PRDM7: variants seen among roughly 807,000 people sequenced by gnomAD.
The protein encoded by PRDM7 is histone-lysine N-methyltransferase PRDM7.
A neutral mutation model predicts 64.3 loss-of-function variants in PRDM7; 52 were observed. The ratio of observed to expected loss-of-function variants is 0.81; its 90% CI spans 0.65 to 1.02. The LOEUF (loss-of-function observed/expected upper bound fraction) is 1.02, where lower values mean the gene tolerates loss of function less well. Ranked by LOEUF, PRDM7 falls within the 50% of genes least tolerant of loss-of-function variation. The probability of loss-of-function intolerance (pLI) is 0.00; values close to 1 mark genes in which losing one functional copy is unlikely to be tolerated. For missense variants in PRDM7, 574 were observed against 597.1 expected (o/e 0.96, Z 0.40); for synonymous variants, 192 against 210.1 (o/e 0.91, Z 0.74).
intron 4 of PRDM7, among the ~76,000 whole-genome samples, chr16:90,071,243 T>A (rs2037951376): frequency 6.6e-6 from 1 of 152,168 alleles, no homozygotes; most frequent in Non-Finnish European, 1.5e-5. Context: ...GTGATTCTTC[T>A]ACCTCAACCT....
Position 90,061,920 on chromosome 16 carries a change from C to A in PRDM7, c.882+1G>T. Reference sequence around the variant, plus strand: ...CAGGGGAAACAGCAGGCTCTTCTTACTAGCCAGGAATATCCACTGTTGGCT... The same window carrying A: ...CAGGGGAAACAGCAGGCTCTTCTTAATAGCCAGGAATATCCACTGTTGGCT... On this transcript the variant is annotated splice_donor_variant, in intron 8 of 10. Transcript: ENST00000449207. LOFTEE classifies it high-confidence loss of function. 1 of 1,614,252 alleles carries A rather than the reference C, an allele frequency of 6.2e-7. No individual in the cohort carries two copies. Among genetic ancestry groups the A allele is most frequent in the East Asian group, 2.2e-5 (1 of 44,888 alleles).
At chr16:90,061,355 G>A in intron 9 of PRDM7, 97 bp downstream of exon 9, 1 of 1,269,500 alleles carries the variant, frequency 7.9e-7, no homozygotes, top group Non-Finnish European at 1.1e-6. Flanking sequence ...AATAGGGGAT[G>A]TGAAAATCAT....
chr16:90,073,554 C>G (rs566587594), intron 4 of PRDM7, among the ~76,000 whole-genome samples: 2 of 151,998 alleles, frequency 1.3e-5, no homozygotes, highest in African/African-American at 4.8e-5. Flanking sequence ...TGCCCGCCAC[C>G]GTGCCTGGCT....
chr16:90,056,595 G>A lies in PRDM7; in HGVS notation c.*1694C>T, dbSNP rs2037688781. ...AGAAGGAAGCGGTTTATTCGGCCAG[G>A]AGCATCAGCAAGACTGCTGTCTCAA... On this transcript the variant is annotated 3_prime_UTR_variant, in exon 11 of 11. Coordinates refer to ENST00000449207, the MANE Select transcript of PRDM7 (RefSeq NM_001098173.2). 1 of 152,192 alleles carries A rather than the reference G, an allele frequency of 6.6e-6. No homozygotes were observed. The highest frequency in any genetic ancestry group is 1.5e-5 in the Non-Finnish European group (1 of 68,042). The allele number at this position is 152,192 out of a possible 1,614,324, so 9.4% of individuals were successfully genotyped here.
At position 90,057,864 on chromosome 16, in the gene PRDM7, C is replaced by T. The variant is rs1199192176; in HGVS notation, c.*425G>A. ...TACTCATCCTTCCTGCAGACTGGGG[C>T]GTCTCCCCTGTGTGTCCTCTGGTGA... On this transcript the variant is annotated 3_prime_UTR_variant, in exon 11 of 11. Coordinates refer to ENST00000449207, the MANE Select transcript of PRDM7 (RefSeq NM_001098173.2). 5.3e-6 allele frequency: 8 copies of T among 1,508,640 alleles called. No individual in the cohort carries two copies. The Admixed American group carries it at 1.2e-4, about 23-fold the overall frequency. 93.5% of individuals were successfully genotyped at this position (1,508,640 alleles called of 1,614,324 possible).
At chr16:90,064,379 C>T (rs1010193619) in intron 5 of PRDM7, among the ~76,000 whole-genome samples, 4 of 151,982 alleles carry the variant, frequency 2.6e-5, no homozygotes, top group African/African-American at 7.2e-5. Context: ...TTTAGTTTCC[C>T]GATCCAGAAG....
chr16:90,071,839 A>C (rs1460826394), intron 4 of PRDM7, among the ~76,000 whole-genome samples: 1 of 152,212 alleles, frequency 6.6e-6, no homozygotes, highest in African/African-American at 2.4e-5. Flanking sequence ...TTCCACAAAA[A>C]ATTAAAACCA....
Position 90,058,381 on chromosome 16 carries a change from C to T in PRDM7, c.1387G>A (p.Gly463Arg), listed in dbSNP as rs1377722925. Reference sequence around the variant, plus strand: ...ATATTGCCGCTCCTGATTCTGATCCCCTGGGCAGGGATTCTCTGGTTGGAG... The same window carrying T: ...ATATTGCCGCTCCTGATTCTGATCCTCTGGGCAGGGATTCTCTGGTTGGAG... ...NFSNQRIPAQ[G>R]IRIRSGNILI... The change falls in exon 11 of 11, where the codon GGG becomes AGG. Residue 463 changes from glycine to arginine, a missense_variant. Gly to Arg is a moderately radical substitution (Grantham distance 125). Transcript: ENST00000449207. 2 of 1,614,002 alleles carry T rather than the reference C, an allele frequency of 1.2e-6. No homozygotes were observed. The highest frequency in any genetic ancestry group is 2.7e-5 in the African/African-American group (2 of 74,900).
chr16:90,065,160 G>A (rs921171941), intron 5 of PRDM7, among the ~76,000 whole-genome samples: 3 of 150,188 alleles, frequency 2.0e-5, no homozygotes, highest in Non-Finnish European at 2.9e-5. Flanking sequence ...CCAGCACTTT[G>A]GGAGGCCAAG....
Position 90,075,692 on chromosome 16 carries a change from T to C in PRDM7, c.69+150A>G. The C allele has an allele frequency of 8.1e-7, 1 of 1,241,812 alleles. No individual in the cohort carries two copies. Among genetic ancestry groups the C allele is most frequent in the South Asian group, 1.4e-5 (1 of 74,002 alleles). The allele number at this position is 1,241,812 out of a possible 1,614,324, so 76.9% of individuals were successfully genotyped here. ...CACAGAGCAGTCGCTGATGCTAGTG[T>C]TCTTTTCTCCCCCATGTCCTGGCCA... On this transcript the variant is annotated intron_variant, in intron 2 of 10. Transcript: ENST00000449207. This position sits in a 1 kb window ranked among gnomAD's most constrained non-coding sequence, Gnocchi z 4.3.
chr16:90,071,115 G>A (rs1345376454), intron 4 of PRDM7, among the ~76,000 whole-genome samples: 1 of 152,150 alleles, frequency 6.6e-6, no homozygotes, highest in Admixed American at 6.5e-5. Context: ...TAGAATGCAA[G>A]AGAGTGGGAA....
intron 8 of PRDM7, 63 bp downstream of exon 8, chr16:90,061,858 C>G: frequency 6.2e-7 from 1 of 1,605,808 alleles, no homozygotes; most frequent in Non-Finnish European, 8.5e-7. Flanking sequence ...AAGGTGATGT[C>G]CCATCAAAGG....
Position 90,063,687 on chromosome 16 carries a change from A to G in PRDM7, c.433T>C (p.Ser145Pro). The G allele has an allele frequency of 1.2e-6, 2 of 1,614,178 alleles. No individual in the cohort carries two copies. The highest frequency in any genetic ancestry group is 1.7e-6 in the Non-Finnish European group (2 of 1,180,022). Reference protein sequence around the residue: ...GTPNLLNTSDSEQAQKPVSPP... With the variant: ...GTPNLLNTSDPEQAQKPVSPP... ...GACACTGGTTTCTGAGCCTGCTCTG[A>G]GTCACTTGTATTCAGTAAATTTGGC... The change falls in exon 6 of 11, where the codon TCA (serine) becomes CCA (proline). Residue 145 changes from serine (S) to proline (P), a missense_variant. Transcript: ENST00000449207.
chr16:90,064,651 T>G (rs1367997297), intron 5 of PRDM7, among the ~76,000 whole-genome samples: 3 of 143,666 alleles, frequency 2.1e-5, no homozygotes, highest in African/African-American at 8.5e-5. Flanking sequence ...TCACCTCAAG[T>G]GATCCACCCA....
rs764373022 is a variant in PRDM7, at chr16:90,060,345, C to G, written c.1229G>C (p.Gly410Ala). The change falls in exon 10 of 11, where the codon GGA becomes GCA. Residue 410 changes from glycine to alanine, a missense_variant. By Grantham distance (60) the Gly-to-Ala change is moderately conservative. Coordinates refer to ENST00000449207, the MANE Select transcript of PRDM7 (RefSeq NM_001098173.2). ...AAGAGTAATAGTGATGCCTACCTCT[C>G]CCTGCCATGAGCTCTTTCTTCCACT... Reference protein sequence around the residue: ...AASGRKSSWQGENQSQRSIHV... With the variant: ...AASGRKSSWQAENQSQRSIHV... 3.7e-6 allele frequency: 6 copies of G among 1,613,982 alleles called. No homozygotes were observed. The East Asian group carries it at 1.3e-4, about 36-fold the overall frequency.
In PRDM7 at chr16:90,056,679, G is replaced by A. The variant is rs531937993; in HGVS notation, c.*1610C>T. On this transcript the variant is annotated 3_prime_UTR_variant, in exon 11 of 11. Transcript: ENST00000449207. ...CTTTTAAGGGCTCACAACTCTAAGG[G>A]GGTCCACGTGAGAGGGTCGTGATCG... 26 of 152,340 alleles carry A rather than the reference G, an allele frequency of 1.7e-4. No homozygotes were observed. The highest frequency in any genetic ancestry group is 4.8e-4 in the African/African-American group (20 of 41,574). The allele number at this position is 152,340 out of a possible 1,614,324, so 9.4% of individuals were successfully genotyped here. A position where few individuals can be genotyped will look rare whatever the true frequency, so the allele number is the denominator to read the frequency against.
At position 90,058,453 on chromosome 16, in the gene PRDM7, C is replaced by A; in HGVS notation, c.1315G>T (p.Ala439Ser). 5.6e-6 allele frequency: 9 copies of A among 1,614,124 alleles called. No homozygotes were observed. The highest frequency in any genetic ancestry group is 1.7e-5 in the Admixed American group (1 of 60,000). Residue 439 changes from alanine (A) to serine (S), a missense_variant, in exon 11 of 11, where the codon GCA (alanine) becomes TCA (serine). Ala to Ser is a moderately conservative substitution (Grantham distance 99, BLOSUM62 1). Coordinates refer to ENST00000449207, the MANE Select transcript of PRDM7 (RefSeq NM_001098173.2). ...TGGGAAGTTCTGAGAGGAGTGATTG[C>A]GTTCCACATGTTGACTGAGAAATTT... ...VKNFSVNMWN[A>S]ITPLRTSQDH...
chr16:90,076,431 C>G (rs1431843588), intron 1 of PRDM7, among the ~76,000 whole-genome samples: 1 of 138,502 alleles, frequency 7.2e-6, no homozygotes, highest in Non-Finnish European at 1.7e-5. Context: ...TTGGGGATCT[C>G]TACCTGGGGA....
Position 90,074,930 on chromosome 16 carries a change from G to A in PRDM7, c.287C>T (p.Thr96Ile), listed in dbSNP as rs758952844. ...DDTEDSDEEW[T>I]PRQQVKPPWM... ...TTCCCTCTTACCTTGCTGCCTAGGT[G>A]TCCATTCTTCATCGGAATCTTCTGT... Residue 96 changes from threonine (T) to isoleucine (I), a missense_variant, in exon 4 of 11, where the codon ACA (threonine) becomes ATA (isoleucine). By Grantham distance (89) the Thr-to-Ile change is moderately conservative. Transcript: ENST00000449207. 41 of 1,613,772 alleles carry A rather than the reference G, an allele frequency of 2.5e-5. 1 individual carries two copies. The highest frequency in any genetic ancestry group is 3.5e-5 in the Non-Finnish European group (41 of 1,179,904).
Sources: gnomAD v4.1 joint callset for allele counts (sites outside exome capture counted in the v4.1 genomes callset) on GRCh38, gnomAD v4.1.1 for gene constraint, Gnocchi (gnomAD v3.1) non-coding constraint, MANE v1.5 for transcripts, NCBI Gene and HGNC (gene_info 2026-07-23, HGNC 2026-07-21) for gene names.